The following NKAIN3 variants were observed in gnomAD, a reference collection of about 807,000 sequenced individuals.
NKAIN3 encodes sodium/potassium transporting ATPase interacting 3, also known as sodium/potassium-transporting ATPase subunit beta-1-interacting protein 3.
A neutral mutation model predicts 30.2 loss-of-function variants in NKAIN3; 25 were observed. The observed-to-expected ratio is 0.83, with a 90% CI of 0.60 to 1.16. The LOEUF is 1.16. NKAIN3 is among the 50% of genes most tolerant of loss of function. The pLI is 0.00. For missense variants in NKAIN3, 225 were observed against 254.1 expected, an observed-to-expected ratio of 0.89 and a Z score of 0.78; for synonymous variants, 91 against 89.6, an observed-to-expected ratio of 1.02 and a Z score of -0.09.
intron 1 of NKAIN3, among the ~76,000 whole-genome samples, chr8:62,261,909 TA>T (rs1368375318): frequency 6.6e-6 from 1 of 152,060 alleles, no homozygotes; most frequent in Non-Finnish European, 1.5e-5. Flanking sequence ...GTGGGAAAAT[TA>T]AGGAGTATGT....
At chr8:62,901,410 G>A (rs1404653111) in intron 4 of NKAIN3, among the ~76,000 whole-genome samples, 1 of 152,140 alleles carries the variant, frequency 6.6e-6, no homozygotes, top group South Asian at 2.1e-4. Context: ...TTCAAGGTTA[G>A]CCTGGAAAAC....
At chr8:62,411,751 A>G (rs1443492445) in intron 1 of NKAIN3, among the ~76,000 whole-genome samples, 3 of 148,202 alleles carry the variant, frequency 2.0e-5, no homozygotes, top group East Asian at 2.3e-4. Flanking sequence ...GCATTTCTAT[A>G]CAACAATAAT....
intron 6 of NKAIN3, among the ~76,000 whole-genome samples, chr8:62,965,040 C>A (rs149572963): frequency 6.6e-6 from 1 of 152,070 alleles, no homozygotes; most frequent in African/African-American, 2.4e-5. Flanking sequence ...TCATAGTTTG[C>A]GCACACAACA....
At chr8:62,913,597 A>G (rs558490638) in intron 4 of NKAIN3, among the ~76,000 whole-genome samples, 128 of 152,324 alleles carry the variant, frequency 8.4e-4, no homozygotes, top group African/African-American at 2.6e-3. Flanking sequence ...TACAGATTAT[A>G]TTATCTGTTT....
intron 1 of NKAIN3, among the ~76,000 whole-genome samples, chr8:62,405,268 G>A (rs558047780): frequency 3.9e-5 from 6 of 152,294 alleles, no homozygotes; most frequent in Admixed American, 2.6e-4. Context: ...CCCTGCTGGC[G>A]TCTCACTGGG....
At chr8:62,919,275 C>T (rs1350306855) in intron 5 of NKAIN3, among the ~76,000 whole-genome samples, 2 of 102,486 alleles carry the variant, frequency 2.0e-5, no homozygotes, top group South Asian at 3.5e-4. Flanking sequence ...GACGGAGTCT[C>T]CCTCTGTCGC....
chr8:62,907,445 A>G (rs1032185090), intron 4 of NKAIN3, among the ~76,000 whole-genome samples: 2 of 152,210 alleles, frequency 1.3e-5, no homozygotes, highest in African/African-American at 2.4e-5. Flanking sequence ...AAATTTGTAT[A>G]GAAGCCAAAT....
intron 1 of NKAIN3, among the ~76,000 whole-genome samples, chr8:62,530,134 C>A (rs1255588100): frequency 1.3e-5 from 2 of 152,064 alleles, no homozygotes; most frequent in African/African-American, 4.8e-5. Context: ...AGGAGCCAAG[C>A]AGTCAACTAA....
intron 3 of NKAIN3, among the ~76,000 whole-genome samples, chr8:62,623,943 G>A (rs1424197802): frequency 6.6e-6 from 1 of 152,036 alleles, no homozygotes; most frequent in Admixed American, 6.6e-5. Context: ...CTAAACGAAG[G>A]GTGGATTATT....
intron 3 of NKAIN3, among the ~76,000 whole-genome samples, chr8:62,616,686 G>T (rs1055739356): frequency 6.6e-6 from 1 of 151,950 alleles, no homozygotes; most frequent in Non-Finnish European, 1.5e-5. Flanking sequence ...TGATTCATTC[G>T]GTCTCCAGTC....
chr8:62,845,599 A>T (rs925635071), intron 4 of NKAIN3, among the ~76,000 whole-genome samples: 3 of 152,054 alleles, frequency 2.0e-5, no homozygotes, highest in Non-Finnish European at 4.4e-5. Flanking sequence ...TTGGCTTATC[A>T]CAGTTATCCC....
At chr8:62,311,247 G>A (rs2129588666) in intron 1 of NKAIN3, among the ~76,000 whole-genome samples, 1 of 150,368 alleles carries the variant, frequency 6.7e-6, no homozygotes, top group South Asian at 2.1e-4. Context: ...ATATATTTTG[G>A]TAAGGAGATA....
chr8:62,290,150 G>A (rs372243562), intron 1 of NKAIN3, among the ~76,000 whole-genome samples: 3 of 152,068 alleles, frequency 2.0e-5, no homozygotes, highest in Non-Finnish European at 2.9e-5. Flanking sequence ...GGGCTGAGAC[G>A]ATGGGGTTTT....
chr8:62,641,268 A>C (rs1812301075), intron 3 of NKAIN3, among the ~76,000 whole-genome samples: 1 of 152,184 alleles, frequency 6.6e-6, no homozygotes, highest in Non-Finnish European at 1.5e-5. Flanking sequence ...GCTTTGAAAA[A>C]TAAATGAAAA....
chr8:62,806,274 T>A (rs1386703693), intron 4 of NKAIN3, among the ~76,000 whole-genome samples: 2 of 152,186 alleles, frequency 1.3e-5, no homozygotes, highest in African/African-American at 4.8e-5. Context: ...GAACTAGAAA[T>A]ACCATTTGAC....
intron 2 of NKAIN3, among the ~76,000 whole-genome samples, chr8:62,587,409 A>G (rs572653545): frequency 6.6e-6 from 1 of 152,022 alleles, no homozygotes; most frequent in East Asian, 1.9e-4. Context: ...TAAAATACTA[A>G]AGATACTGTC....
intron 1 of NKAIN3, among the ~76,000 whole-genome samples, chr8:62,542,110 A>C (rs1245231653): frequency 1.3e-5 from 2 of 152,180 alleles, no homozygotes; most frequent in Admixed American, 6.5e-5. Flanking sequence ...TTCCCCTGAG[A>C]GTAAAAACAC....
At chr8:62,286,536 A>G (rs1813385092) in intron 1 of NKAIN3, among the ~76,000 whole-genome samples, 1 of 152,172 alleles carries the variant, frequency 6.6e-6, no homozygotes, top group Non-Finnish European at 1.5e-5. Flanking sequence ...ATACAATAGG[A>G]CTTGAATAAT....
chr8:62,759,343 A>G (rs1223909200), intron 4 of NKAIN3, among the ~76,000 whole-genome samples: 3 of 152,168 alleles, frequency 2.0e-5, no homozygotes, highest in East Asian at 1.9e-4. Context: ...ATGATTTGTA[A>G]TGGTAGAAAT....
Sources: gnomAD v4.1 joint callset for allele counts (sites outside exome capture counted in the v4.1 genomes callset) on GRCh38, gnomAD v4.1.1 for gene constraint, MANE v1.5 for transcripts, NCBI Gene and HGNC (gene_info 2026-07-23, HGNC 2026-07-21) for gene names.